ZCWPW2: variants seen among roughly 807,000 people sequenced by gnomAD.
ZCWPW2 encodes zinc finger CW-type and PWWP domain containing 2.
A neutral mutation model predicts 46.6 loss-of-function variants in ZCWPW2; 45 were observed. That is an observed-to-expected ratio of 0.96 (90% CI 0.76 to 1.24). ZCWPW2 has a LOEUF of 1.24. ZCWPW2 is among the 50% of genes most tolerant of loss of function. The pLI is 0.00. For missense variants in ZCWPW2, 429 were observed against 403.9 expected, an observed-to-expected ratio of 1.06 and a Z score of -0.53; for synonymous variants, 152 against 137.1, an observed-to-expected ratio of 1.11 and a Z score of -0.76.
At chr3:28,477,506 TG>T (rs1350718839) in intron 4 of ZCWPW2, among the ~76,000 whole-genome samples, 2 of 152,192 alleles carry the variant, frequency 1.3e-5, no homozygotes, top group Non-Finnish European at 2.9e-5. Flanking sequence ...TTTCATTTTA[TG>T]GGTAGTGATG....
chr3:28,395,831 C>T (rs1695673365), intron 2 of ZCWPW2, among the ~76,000 whole-genome samples: 1 of 152,000 alleles, frequency 6.6e-6, no homozygotes, highest in African/African-American at 2.4e-5. Context: ...TAATGTACAG[C>T]ATAGTGACTA....
At chr3:28,479,107 CT>C (rs1699337996) in intron 5 of ZCWPW2, among the ~76,000 whole-genome samples, 176 bp downstream of exon 5, 1 of 152,164 alleles carries the variant, frequency 6.6e-6, no homozygotes, top group South Asian at 2.1e-4. Flanking sequence ...ATTTTGTCCC[CT>C]AAAACAATTT....
At chr3:28,462,798 T>A (rs1698689827) in intron 4 of ZCWPW2, among the ~76,000 whole-genome samples, 2 of 143,228 alleles carry the variant, frequency 1.4e-5, no homozygotes, top group Admixed American at 7.0e-5. Flanking sequence ...TTATGTATTT[T>A]TTTCCTTGAA....
At chr3:28,371,004 T>G (rs1296748507) in intron 1 of ZCWPW2, among the ~76,000 whole-genome samples, 1 of 152,124 alleles carries the variant, frequency 6.6e-6, no homozygotes, top group Non-Finnish European at 1.5e-5. Context: ...AGTGCTGTGA[T>G]TACAGGTGTG....
intron 2 of ZCWPW2, among the ~76,000 whole-genome samples, chr3:28,402,714 G>T (rs1253140242): frequency 6.6e-6 from 1 of 151,910 alleles, no homozygotes; most frequent in Non-Finnish European, 1.5e-5. Flanking sequence ...ATGATCAAGT[G>T]GCATATCAGA....
At chr3:28,381,697 G>T (rs1403910181) in intron 1 of ZCWPW2, among the ~76,000 whole-genome samples, 1 of 152,164 alleles carries the variant, frequency 6.6e-6, no homozygotes, top group East Asian at 1.9e-4. Flanking sequence ...TGAGTGGGAG[G>T]ATTGCATGAG....
At chr3:28,505,687 C>T (rs112954348) in intron 6 of ZCWPW2, among the ~76,000 whole-genome samples, 1 of 152,022 alleles carries the variant, frequency 6.6e-6, no homozygotes, top group South Asian at 2.1e-4. Flanking sequence ...TGACTTTTAA[C>T]AAGGAGTTTG....
At chr3:28,468,771 G>A (rs972764137) in intron 4 of ZCWPW2, among the ~76,000 whole-genome samples, 2 of 152,120 alleles carry the variant, frequency 1.3e-5, no homozygotes, top group African/African-American at 4.8e-5. Flanking sequence ...ACAAACAAAA[G>A]CTGAGAGATT....
intron 8 of ZCWPW2, among the ~76,000 whole-genome samples, chr3:28,520,259 C>T (rs1700688174): frequency 1.3e-5 from 2 of 152,076 alleles, no homozygotes; most frequent in South Asian, 4.1e-4. Flanking sequence ...CCCTCAGCCT[C>T]CCAAAGTGCT....
chr3:28,411,592 T>C (rs1450130469), intron 2 of ZCWPW2, among the ~76,000 whole-genome samples: 2 of 152,048 alleles, frequency 1.3e-5, no homozygotes, highest in East Asian at 3.9e-4. Flanking sequence ...ACACACTTCA[T>C]GTGAAGTGAA....
At chr3:28,477,044 C>T (rs1381134033) in intron 4 of ZCWPW2, among the ~76,000 whole-genome samples, 1 of 152,122 alleles carries the variant, frequency 6.6e-6, no homozygotes, top group Non-Finnish European at 1.5e-5. Context: ...AATATTATAG[C>T]AACTGTTCCT....
At chr3:28,495,048 T>G (rs1226348549) in intron 6 of ZCWPW2, among the ~76,000 whole-genome samples, 1 of 151,936 alleles carries the variant, frequency 6.6e-6, no homozygotes, top group African/African-American at 2.4e-5. Context: ...AAGCTACCAA[T>G]GACTTTCTTC....
chr3:28,481,397 C>A (rs2125806845), intron 5 of ZCWPW2, among the ~76,000 whole-genome samples: 1 of 152,190 alleles, frequency 6.6e-6, no homozygotes, highest in East Asian at 1.9e-4. Context: ...GTGCCCGCCA[C>A]CACGCCCAGC....
At chr3:28,421,865 TG>T (rs1559497753) in intron 3 of ZCWPW2, among the ~76,000 whole-genome samples, 12 of 151,352 alleles carry the variant, frequency 7.9e-5, no homozygotes, top group African/African-American at 2.9e-4. Flanking sequence ...TGTGTGTGTG[TG>T]TGTGTGTGTG....
intron 4 of ZCWPW2, among the ~76,000 whole-genome samples, chr3:28,447,394 G>GA (rs1370269228): frequency 2.7e-5 from 4 of 149,214 alleles, no homozygotes; most frequent in Non-Finnish European, 6.0e-5. Context: ...CCAGAATGAA[G>GA]AAAAAAAATG....
intron 4 of ZCWPW2, among the ~76,000 whole-genome samples, chr3:28,440,300 CGTT>C (rs1382064351): frequency 1.3e-5 from 2 of 152,152 alleles, no homozygotes; most frequent in Non-Finnish European, 2.9e-5. Context: ...TTAATGGAAT[CGTT>C]GTTGTGTCTC....
chr3:28,391,232 G>T (rs1383376297), intron 2 of ZCWPW2, among the ~76,000 whole-genome samples: 1 of 152,160 alleles, frequency 6.6e-6, no homozygotes, highest in Non-Finnish European at 1.5e-5. Context: ...GGTGACTGAT[G>T]AAATTTGTAG....
chr3:28,457,815 A>G (rs1426839098), intron 4 of ZCWPW2, among the ~76,000 whole-genome samples: 3 of 152,222 alleles, frequency 2.0e-5, no homozygotes, highest in Admixed American at 2.0e-4. Context: ...TGAAAGCAGA[A>G]TATATAAAAT....
At chr3:28,390,139 A>G (rs1045665692) in intron 1 of ZCWPW2, among the ~76,000 whole-genome samples, 3 of 152,226 alleles carry the variant, frequency 2.0e-5, no homozygotes, top group Non-Finnish European at 2.9e-5. Flanking sequence ...TCTTGATGTG[A>G]GTTGCTAGTG....
Sources: gnomAD v4.1 joint callset for allele counts (sites outside exome capture counted in the v4.1 genomes callset) on GRCh38, gnomAD v4.1.1 for gene constraint, MANE v1.5 for transcripts, NCBI Gene and HGNC (gene_info 2026-07-23, HGNC 2026-07-21) for gene names.